Variants in NWD2 observed in about 807,000 individuals in gnomAD.
NWD2 encodes the protein NACHT and WD repeat domain-containing protein 2.
Under a neutral mutation model 132.7 loss-of-function variants are expected in NWD2, and 37 were observed. The observed-to-expected ratio is 0.28, with a 90% CI of 0.21 to 0.37. The LOEUF is 0.37. NWD2 is among the 10% of genes least tolerant of loss of function. The probability of loss-of-function intolerance (pLI) is 1.00; values close to 1 mark genes in which losing one functional copy is unlikely to be tolerated. For missense variants in NWD2, 1,592 were observed against 2,122.4 expected (o/e 0.75, Z 4.91); for synonymous variants, 705 against 803.0 (o/e 0.88, Z 2.06).
intron 2 of NWD2, among the ~76,000 whole-genome samples, chr4:37,336,476 G>A (rs150338997): frequency 6.6e-6 from 1 of 152,142 alleles, no homozygotes. Context: ...ATAGTAGTGG[G>A]GTCTGTCTGG....
At chr4:37,363,895 G>T (rs1362752608) in intron 3 of NWD2, among the ~76,000 whole-genome samples, 1 of 152,024 alleles carries the variant, frequency 6.6e-6, no homozygotes, top group African/African-American at 2.4e-5. Flanking sequence ...AGGCCAAGGC[G>T]GGTGGATCAT....
intron 1 of NWD2, among the ~76,000 whole-genome samples, chr4:37,272,330 C>T (rs1039931433): frequency 1.6e-4 from 25 of 151,606 alleles, no homozygotes; most frequent in Admixed American, 1.4e-3. Flanking sequence ...GTGTTCCTAC[C>T]ACCTCTATTT....
In NWD2 at chr4:37,313,929, C is replaced by T. The variant is rs542369688; in HGVS notation, c.152-12007C>T. Among the ~76,000 whole-genome samples the T allele has an allele frequency of 6.0e-5, 9 of 151,190 alleles. No individual in the cohort carries two copies. The South Asian group carries it at 8.3e-4, about 14-fold the overall frequency. On this transcript the variant is annotated intron_variant, in intron 1 of 6. Transcript: ENST00000309447. Reference sequence around the variant, plus strand: ...GCCAGGCTGGTCTCGATCTCCTGACCTCATTATCTGCACACGTCGGCCTCC... The same window carrying T: ...GCCAGGCTGGTCTCGATCTCCTGACTTCATTATCTGCACACGTCGGCCTCC...
intron 3 of NWD2, among the ~76,000 whole-genome samples, chr4:37,391,021 A>G (rs1351739863): frequency 1.3e-5 from 2 of 152,226 alleles, no homozygotes; most frequent in East Asian, 1.9e-4. Flanking sequence ...TCTCAACACA[A>G]TCTACCTCAC....
intron 5 of NWD2, among the ~76,000 whole-genome samples, chr4:37,435,910 C>T (rs1712309218): frequency 6.6e-6 from 1 of 152,178 alleles, no homozygotes; most frequent in Non-Finnish European, 1.5e-5. Flanking sequence ...GACGTGCCAA[C>T]TCTTTCAAAT....
At chr4:37,254,900 A>G (rs114267308) in intron 1 of NWD2, among the ~76,000 whole-genome samples, 2,311 of 152,312 alleles carry the variant, frequency 0.015, 68 homozygotes, top group African/African-American at 0.053. Flanking sequence ...TATTATTCCT[A>G]GAGTATTACG....
chr4:37,245,006 G>A lies in NWD2; in HGVS notation c.-62G>A. 2 of 1,534,160 alleles carry A rather than the reference G, an allele frequency of 1.3e-6. No individual in the cohort carries two copies. The highest frequency in any genetic ancestry group is 1.7e-6 in the Non-Finnish European group (2 of 1,144,000). On this transcript the variant is annotated 5_prime_UTR_variant, in exon 1 of 7. Coordinates refer to ENST00000309447, the MANE Select transcript of NWD2 (RefSeq NM_001144990.2). ...CTGCTGAGCCGTTCCGTGGAGCTGC[G>A]GGCAGGAACCCGAGGAGCAGGAGGT... is the stretch of plus-strand genomic sequence containing the variant.
chr4:37,447,334 T>A lies in NWD2; in HGVS notation c.*117T>A. ...GGCAGGAGCGATGCTGGAATTCCAG[T>A]GTTTTATTAAGATGTTCATGAAATG... On this transcript the variant is annotated 3_prime_UTR_variant, in exon 7 of 7. Transcript: ENST00000309447. The A allele has an allele frequency of 1.3e-6, 1 of 795,394 alleles. No individual in the cohort carries two copies. The highest frequency in any genetic ancestry group is 1.9e-5 in the South Asian group (1 of 53,114). The allele number at this position is 795,394 out of a possible 1,614,324, so 49.3% of individuals were successfully genotyped here. A position where few individuals can be genotyped will look rare whatever the true frequency, so the allele number is the denominator to read the frequency against.
intron 1 of NWD2, among the ~76,000 whole-genome samples, chr4:37,310,959 G>A (rs1260105439): frequency 6.6e-6 from 1 of 151,760 alleles, no homozygotes; most frequent in Non-Finnish European, 1.5e-5. Flanking sequence ...CAAAGGACAT[G>A]AACTCATCAT....
intron 3 of NWD2, among the ~76,000 whole-genome samples, chr4:37,359,747 C>T (rs951015974): frequency 6.6e-6 from 1 of 152,158 alleles, no homozygotes; most frequent in Non-Finnish European, 1.5e-5. Context: ...CAGTATAGTT[C>T]GTGCTTGGCC....
intron 1 of NWD2, among the ~76,000 whole-genome samples, chr4:37,295,999 A>G (rs937054025): frequency 1.3e-4 from 20 of 152,188 alleles, no homozygotes; most frequent in African/African-American, 4.6e-4. Flanking sequence ...GCACTGAGCA[A>G]TGTAAAATTT....
In NWD2 at chr4:37,435,250, G is replaced by A. The variant is rs906820904; in HGVS notation, c.706+1230G>A. On this transcript the variant is annotated intron_variant, in intron 5 of 6. Transcript: ENST00000309447. ...TAAAGGGAAAAACTATAATAGCTGC[G>A]TTTTCAGATTGGTTTTGAAATGGTG... 5.3e-5 allele frequency among the ~76,000 whole-genome samples: 8 copies of A among 152,268 alleles called. No homozygotes were observed. In the East Asian group the frequency reaches 7.7e-4, roughly 15 times the overall value.
chr4:37,397,445 G>A (rs1266660191), intron 3 of NWD2, among the ~76,000 whole-genome samples: 1 of 152,170 alleles, frequency 6.6e-6, no homozygotes, highest in Non-Finnish European at 1.5e-5. Flanking sequence ...CATCCAATCA[G>A]TTGAAGAGGG....
Position 37,433,893 on chromosome 4 carries a change from T to A in NWD2, c.579T>A (p.Asn193Lys), listed in dbSNP as rs762308370. 21 of 1,545,806 alleles carry A rather than the reference T, an allele frequency of 1.4e-5. No homozygotes were observed. Among genetic ancestry groups the A allele is most frequent in the Middle Eastern group, 3.3e-4 (2 of 5,984 alleles). The part of the protein sequence containing the change: ...SNRNAMQPST[N>K]AENEKTWQEI... The stretch of plus-strand genomic sequence containing the variant: ...TTCTATAGATGCAGCCTTCTACCAA[T>A]GCTGAAAACGAGAAGACATGGCAAG... Residue 193 changes from asparagine to lysine, a missense_variant, in exon 5 of 7, where the codon AAT becomes AAA. By Grantham distance (94) the Asn-to-Lys change is moderately conservative. Around this residue, in one of 7 missense-constraint regions of NWD2, gnomAD observed 144 missense variants for 185.7 expected, o/e 0.78. Coordinates refer to ENST00000309447, the MANE Select transcript of NWD2 (RefSeq NM_001144990.2).
chr4:37,291,497 G>A (rs2109272353), intron 1 of NWD2, among the ~76,000 whole-genome samples: 1 of 152,176 alleles, frequency 6.6e-6, no homozygotes, highest in South Asian at 2.1e-4. Context: ...TTCCATGAAA[G>A]CATTGAGTAT....
chr4:37,343,712 TTTAAG>T (rs1350848595), intron 2 of NWD2, among the ~76,000 whole-genome samples: 1 of 152,186 alleles, frequency 6.6e-6, no homozygotes, highest in East Asian at 1.9e-4. Context: ...TTGGAAGACA[TTTAAG>T]TTATTATCTA....
intron 1 of NWD2, among the ~76,000 whole-genome samples, chr4:37,291,076 T>C (rs1037977011): frequency 6.6e-6 from 1 of 152,202 alleles, no homozygotes; most frequent in Non-Finnish European, 1.5e-5. Context: ...GTCAACCTTT[T>C]CCTTCAGAAG....
In NWD2 at chr4:37,346,480, G is replaced by T. The variant is rs187640170; in HGVS notation, c.241-9886G>T. ...AACTTTATTCTTCTTTTGTAAGATT[G>T]TTTTGGTCATCTTGGGTTTTTTGAA... On this transcript the variant is annotated intron_variant, in intron 2 of 6. Transcript: ENST00000309447. Among the ~76,000 whole-genome samples, 410 of 152,216 alleles carry T rather than the reference G, an allele frequency of 2.7e-3. 1 individual carries two copies. Among genetic ancestry groups the T allele is most frequent in the Admixed American group, 4.0e-3 (61 of 15,282 alleles).
At chr4:37,329,762 A>G (rs1719253341) in intron 2 of NWD2, among the ~76,000 whole-genome samples, 1 of 151,952 alleles carries the variant, frequency 6.6e-6, no homozygotes, top group Non-Finnish European at 1.5e-5. Flanking sequence ...GTGAGGTGAT[A>G]TGACTTACCA....
Sources: allele counts gnomAD v4.1 joint callset (sites outside exome capture counted in the v4.1 genomes callset), GRCh38; gene constraint gnomAD v4.1.1; regional missense constraint gnomAD v4.1.1; transcripts MANE v1.5; gene names NCBI Gene and HGNC (gene_info 2026-07-23, HGNC 2026-07-21).